The following MAPRE3 variants were observed in gnomAD, a reference collection of about 807,000 sequenced individuals.
The protein encoded by MAPRE3 is microtubule associated protein RP/EB family member 3, also known as microtubule-associated protein RP/EB family member 3.
In MAPRE3, 2 loss-of-function variants were observed where a neutral mutation model predicts 30.5. That is an observed-to-expected ratio of 0.07 (90% confidence interval 0.03 to 0.21). The LOEUF is 0.21. Ranked by LOEUF, MAPRE3 falls within the 10% of genes least tolerant of loss-of-function variation. The pLI, the probability that MAPRE3 is intolerant of heterozygous loss-of-function variation, is 1.00. For missense variants in MAPRE3, 204 were observed against 351.8 expected, an observed-to-expected ratio of 0.58 and a Z score of 3.36; for synonymous variants, 110 against 127.7, an observed-to-expected ratio of 0.86 and a Z score of 0.93.
chr2:26,976,226 T>C (rs1666011488), intron 1 of MAPRE3, among the ~76,000 whole-genome samples: 1 of 152,232 alleles, frequency 6.6e-6, no homozygotes, highest in Non-Finnish European at 1.5e-5. Context: ...CTGGTAGGAA[T>C]TACTGGTAAA....
intron 1 of MAPRE3, among the ~76,000 whole-genome samples, chr2:26,989,778 A>G (rs768674019): frequency 3.3e-5 from 5 of 152,192 alleles, no homozygotes; most frequent in African/African-American, 7.2e-5. Flanking sequence ...AATACTCGCT[A>G]TCACATAAGG....
At chr2:26,974,017 C>A (rs1665967676) in intron 1 of MAPRE3, among the ~76,000 whole-genome samples, 1 of 152,164 alleles carries the variant, frequency 6.6e-6, no homozygotes, top group Non-Finnish European at 1.5e-5. Flanking sequence ...TGACACAAGA[C>A]ACCAAGAGTT....
chr2:26,970,731 G>T lies in MAPRE3; in HGVS notation c.-79G>T, dbSNP rs992231469. 2.4e-4 allele frequency: 37 copies of T among 152,682 alleles called. 1 individual carries two copies. The highest frequency in any genetic ancestry group is 1.8e-4 in the Non-Finnish European group (12 of 68,378). The allele number at this position is 152,682 out of a possible 1,614,324, so 9.5% of individuals were successfully genotyped here. On this transcript the variant is annotated 5_prime_UTR_variant, in exon 1 of 7. Coordinates refer to ENST00000233121, the MANE Select transcript of MAPRE3 (RefSeq NM_012326.4). ...CGCCCCGGAGCCGCCGGCCGGAGCCGCAGCCTCTGCCGCAGCGCCCCCGCC... is the reference window on the plus strand; with the variant it reads ...CGCCCCGGAGCCGCCGGCCGGAGCCTCAGCCTCTGCCGCAGCGCCCCCGCC...
chr2:27,011,487 T>C (rs1475723572), intron 1 of MAPRE3, among the ~76,000 whole-genome samples: 1 of 152,198 alleles, frequency 6.6e-6, no homozygotes, highest in Admixed American at 6.5e-5. Flanking sequence ...TCCCATGTCC[T>C]CATGATGCCT....
At chr2:27,018,563 A>C (rs1162045614) in intron 1 of MAPRE3, among the ~76,000 whole-genome samples, 1 of 152,178 alleles carries the variant, frequency 6.6e-6, no homozygotes, top group Non-Finnish European at 1.5e-5. Flanking sequence ...TAAGATTATG[A>C]ACTCCTTGAG....
chr2:27,014,423 T>C (rs1666935208), intron 1 of MAPRE3: 1 of 152,248 alleles, frequency 6.6e-6, no homozygotes, highest in South Asian at 2.1e-4. Flanking sequence ...GGCTGGAACT[T>C]CAGCAGGGCT....
At chr2:27,020,761 C>G (rs1213526912) in intron 1 of MAPRE3, among the ~76,000 whole-genome samples, 1 of 152,184 alleles carries the variant, frequency 6.6e-6, no homozygotes, top group Non-Finnish European at 1.5e-5. Context: ...TGACTGCTGG[C>G]TGAAAGGACT....
At chr2:27,024,325 C>A (rs776996487) in intron 4 of MAPRE3, 28 bp downstream of exon 4, 4 of 1,601,194 alleles carry the variant, frequency 2.5e-6, no homozygotes, top group South Asian at 1.1e-5. Context: ...GGGGAGGGAG[C>A]GTGGGGGGCC....
intron 1 of MAPRE3, among the ~76,000 whole-genome samples, chr2:26,999,898 A>G (rs1666552212): frequency 6.6e-6 from 1 of 152,160 alleles, no homozygotes; most frequent in African/African-American, 2.4e-5. Flanking sequence ...TTGAAATACA[A>G]ATTAGTTCTA....
intron 3 of MAPRE3, 68 bp from the exon 4 acceptor site, chr2:27,024,028 C>T (rs1667174614): frequency 7.8e-7 from 1 of 1,290,048 alleles, no homozygotes; most frequent in African/African-American, 1.5e-5. Flanking sequence ...AGCAGTGGCC[C>T]TCAGCAGAGG....
At chr2:26,979,982 G>A (rs1466017669) in intron 1 of MAPRE3, among the ~76,000 whole-genome samples, 1 of 152,156 alleles carries the variant, frequency 6.6e-6, no homozygotes, top group Non-Finnish European at 1.5e-5. Context: ...GGAGTCAGCA[G>A]CACAGAGGAG....
At chr2:27,001,852 C>A (rs1027845644) in intron 1 of MAPRE3, among the ~76,000 whole-genome samples, 1 of 152,198 alleles carries the variant, frequency 6.6e-6, no homozygotes, top group African/African-American at 2.4e-5. Flanking sequence ...GCTTCATGGA[C>A]TGTAAACATC....
chr2:26,974,584 A>G (rs1665980597), intron 1 of MAPRE3, among the ~76,000 whole-genome samples: 1 of 152,132 alleles, frequency 6.6e-6, no homozygotes, highest in African/African-American at 2.4e-5. Flanking sequence ...AACCTTTTGT[A>G]GTTTCTGGGA....
chr2:26,979,972 G>A (rs536679252), intron 1 of MAPRE3, among the ~76,000 whole-genome samples: 1 of 152,234 alleles, frequency 6.6e-6, no homozygotes, highest in Admixed American at 6.5e-5. Context: ...CTGTAGAGTG[G>A]GAGTCAGCAG....
chr2:26,997,539 G>A (rs911167681), intron 1 of MAPRE3, among the ~76,000 whole-genome samples: 3 of 152,070 alleles, frequency 2.0e-5, no homozygotes, highest in African/African-American at 7.2e-5. Context: ...TAGGGTTTGC[G>A]CTTCTGTGAG....
rs527398702 is a variant in MAPRE3 at position 27,016,157 on chromosome 2, C to T, written c.-7-6055C>T. 4.6e-5 allele frequency among the ~76,000 whole-genome samples: 7 copies of T among 152,274 alleles called. No homozygotes were observed. In the South Asian group the frequency reaches 1.0e-3, roughly 23 times the overall value. ...GTCTGATCCTCGAATGGGGATCCGC[C>T]TGGATGATGACATGCCACAATCCAA... On this transcript the variant is annotated intron_variant, in intron 1 of 6. Transcript: ENST00000233121.
At chr2:27,023,640 A>G (rs539402257) in intron 3 of MAPRE3, 163 bp downstream of exon 3, 14 of 767,000 alleles carry the variant, frequency 1.8e-5, no homozygotes, top group Admixed American at 4.5e-5. Flanking sequence ...TCAAGGCACA[A>G]TGGAAAAGCC....
chr2:27,025,547 T>C, intron 4 of MAPRE3, 36 bp from the exon 5 acceptor site: 2 of 1,530,678 alleles, frequency 1.3e-6, no homozygotes, highest in Non-Finnish European at 1.8e-6. Flanking sequence ...CGCTGTGGGC[T>C]CACGTGGACT....
chr2:26,978,035 T>C (rs1666046346), intron 1 of MAPRE3, among the ~76,000 whole-genome samples: 1 of 152,212 alleles, frequency 6.6e-6, no homozygotes, highest in Non-Finnish European at 1.5e-5. Context: ...ACCCAAATAC[T>C]TGTCCTAGAT....
Sources: allele counts gnomAD v4.1 joint callset (sites outside exome capture counted in the v4.1 genomes callset), GRCh38; gene constraint gnomAD v4.1.1; transcripts MANE v1.5; gene names NCBI Gene and HGNC (gene_info 2026-07-23, HGNC 2026-07-21).